ADGRL3: variants seen among roughly 807,000 people sequenced by gnomAD.
ADGRL3 encodes the protein calcium-independent alpha-latrotoxin receptor 3.
ADGRL3 carries 62 observed loss-of-function variants against 153.5 expected under a neutral mutation model. The ratio of observed to expected loss-of-function variants is 0.40; its 90% confidence interval spans 0.33 to 0.50. The LOEUF (loss-of-function observed/expected upper bound fraction) is 0.50. Ranked by LOEUF, ADGRL3 falls within the 20% of genes least tolerant of loss-of-function variation. ADGRL3 has a pLI of 0.47. For missense variants in ADGRL3, 1,641 were observed against 1,859.4 expected (o/e 0.88, Z 2.16); for synonymous variants, 710 against 672.5 (o/e 1.06, Z -0.86).
chr4:61,588,594 A>T (rs1254790828), intron 5 of ADGRL3, among the ~76,000 whole-genome samples: 1 of 152,018 alleles, frequency 6.6e-6, no homozygotes, highest in African/African-American at 2.4e-5. Flanking sequence ...TACTAAAATG[A>T]TGGCTCATGC....
chr4:61,766,964 A>T (rs929197869), intron 8 of ADGRL3, among the ~76,000 whole-genome samples: 15 of 152,150 alleles, frequency 9.9e-5, no homozygotes, highest in African/African-American at 3.6e-4. Context: ...AGGAGAGTTT[A>T]TAGGCTTTAA....
In ADGRL3 at chr4:62,003,486, A is replaced by T. The variant is rs147316474; in HGVS notation, c.3395+5221A>T. ...TGTTTACACGACCTTGGCAAGTAAC[A>T]TCAGAGGTCTGGGTCTTACTTTCTT... On this transcript the variant is annotated intron_variant, in intron 21 of 26. Coordinates refer to ENST00000683033, the MANE Select transcript of ADGRL3 (RefSeq NM_001387552.1). Among the ~76,000 whole-genome samples the T allele has an allele frequency of 3.7e-3, 559 of 152,284 alleles. 2 individuals carry two copies. Among genetic ancestry groups the T allele is most frequent in the Admixed American group, 7.7e-3 (117 of 15,278 alleles).
chr4:61,250,308 A>G (rs563148453), intron 1 of ADGRL3, among the ~76,000 whole-genome samples: 2 of 152,284 alleles, frequency 1.3e-5, no homozygotes, highest in Non-Finnish European at 1.5e-5. Context: ...GGCAGCCTCA[A>G]GTGGGTTACA....
At chr4:61,741,791 T>G (rs1206879547) in intron 8 of ADGRL3, among the ~76,000 whole-genome samples, 1 of 152,218 alleles carries the variant, frequency 6.6e-6, no homozygotes, top group African/African-American at 2.4e-5. Context: ...TAGGTGACCT[T>G]CCAAATGGAT....
At chr4:61,331,691 T>G (rs2095576375) in intron 1 of ADGRL3, among the ~76,000 whole-genome samples, 1 of 152,130 alleles carries the variant, frequency 6.6e-6, no homozygotes, top group South Asian at 2.1e-4. Flanking sequence ...TACTATAGAA[T>G]TTTGGATTTA....
intron 1 of ADGRL3, among the ~76,000 whole-genome samples, chr4:61,273,894 G>A (rs2093330795): frequency 6.6e-6 from 1 of 152,104 alleles, no homozygotes; most frequent in African/African-American, 2.4e-5. Flanking sequence ...AGGCATAGAA[G>A]AATGGCATTT....
At chr4:61,358,110 T>C (rs776851087) in intron 1 of ADGRL3, among the ~76,000 whole-genome samples, 37 of 152,314 alleles carry the variant, frequency 2.4e-4, no homozygotes, top group African/African-American at 8.2e-4. Context: ...AAGCTGTTGT[T>C]TTTCTGAAAA....
chr4:61,246,518 T>C (rs531757213), intron 1 of ADGRL3, among the ~76,000 whole-genome samples: 1 of 152,188 alleles, frequency 6.6e-6, no homozygotes, highest in African/African-American at 2.4e-5. Flanking sequence ...TTACCATACA[T>C]TTAAATTTAG....
intron 13 of ADGRL3, among the ~76,000 whole-genome samples, chr4:61,928,790 T>A (rs534019988): frequency 6.6e-6 from 1 of 152,220 alleles, no homozygotes; most frequent in East Asian, 1.9e-4. Flanking sequence ...TCAGAAGTCT[T>A]TGGGGAGACA....
chr4:61,621,713 T>C (rs2092527629), intron 5 of ADGRL3, among the ~76,000 whole-genome samples: 1 of 152,182 alleles, frequency 6.6e-6, no homozygotes. Flanking sequence ...ATTTTCCTTT[T>C]ACTTGTGGTC....
intron 1 of ADGRL3, among the ~76,000 whole-genome samples, chr4:61,315,527 A>G (rs980674225): frequency 6.6e-6 from 1 of 152,302 alleles, no homozygotes; most frequent in East Asian, 1.9e-4. Context: ...GTTAGTAGCA[A>G]TGTTAAAAAG....
intron 5 of ADGRL3, among the ~76,000 whole-genome samples, chr4:61,653,670 A>T (rs139882622): frequency 1.1e-3 from 166 of 152,302 alleles, no homozygotes; most frequent in Admixed American, 2.4e-3. Flanking sequence ...GTCCCTCAGC[A>T]CTACCAGATT....
chr4:61,939,662 G>C (rs140043020), intron 15 of ADGRL3, among the ~76,000 whole-genome samples: 2 of 151,908 alleles, frequency 1.3e-5, no homozygotes, highest in Non-Finnish European at 2.9e-5. Flanking sequence ...TAGAGACAGG[G>C]TTTCGCCATA....
chr4:61,557,086 C>A (rs2098770659), intron 4 of ADGRL3, among the ~76,000 whole-genome samples: 1 of 151,988 alleles, frequency 6.6e-6, no homozygotes, highest in African/African-American at 2.4e-5. Flanking sequence ...GTAAACAAAT[C>A]AGAGGTAAGA....
intron 6 of ADGRL3, among the ~76,000 whole-genome samples, chr4:61,707,639 T>G (rs2095878224): frequency 6.6e-6 from 1 of 152,214 alleles, no homozygotes; most frequent in African/African-American, 2.4e-5. Context: ...AATCAGACCT[T>G]AGAAATATTT....
At chr4:61,604,709 T>G (rs141620584) in intron 5 of ADGRL3, among the ~76,000 whole-genome samples, 151 of 152,306 alleles carry the variant, frequency 9.9e-4, no homozygotes, top group African/African-American at 3.5e-3. Context: ...TGTTAGATAA[T>G]GCATAGTAAA....
At chr4:61,391,240 A>C (rs2096798139) in intron 2 of ADGRL3, among the ~76,000 whole-genome samples, 1 of 152,172 alleles carries the variant, frequency 6.6e-6, no homozygotes, top group South Asian at 2.1e-4. Context: ...ATTTACTGTC[A>C]TGGCAGAAGG....
intron 2 of ADGRL3, chr4:61,427,327 C>T (rs888296976): frequency 1.3e-5 from 2 of 152,770 alleles, no homozygotes; most frequent in Admixed American, 6.5e-5. Context: ...ATCAGCCATT[C>T]AGTCAGGGTG....
chr4:61,763,252 A>G (rs2096934441), intron 8 of ADGRL3, among the ~76,000 whole-genome samples: 1 of 140,916 alleles, frequency 7.1e-6, no homozygotes, highest in East Asian at 2.1e-4. Flanking sequence ...CAGTGGTGTT[A>G]TCTTGGCTCA....
Sources: gnomAD v4.1 joint callset for allele counts (sites outside exome capture counted in the v4.1 genomes callset) on GRCh38, gnomAD v4.1.1 for gene constraint, MANE v1.5 for transcripts, NCBI Gene and HGNC (gene_info 2026-07-23, HGNC 2026-07-21) for gene names.